Variants in CLDN16 observed in about 807,000 individuals in gnomAD.
CLDN16 encodes claudin-16.
A neutral mutation model predicts 24.6 loss-of-function variants in CLDN16; 13 were observed. The observed-to-expected ratio is 0.53, with a 90% CI of 0.34 to 0.84. The LOEUF (loss-of-function observed/expected upper bound fraction) is 0.84, where lower values mean the gene tolerates loss of function less well. Ranked by LOEUF, CLDN16 falls within the 40% of genes least tolerant of loss-of-function variation. CLDN16 has a pLI of 0.01. For missense variants in CLDN16, 298 were observed against 292.7 expected (o/e 1.02, Z -0.13); for synonymous variants, 116 against 106.7 (o/e 1.09, Z -0.54).
the CLDN16 span, among the ~76,000 whole-genome samples, chr3:190,292,011 G>A: frequency 6.6e-6 from 1 of 152,174 alleles, no homozygotes; most frequent in East Asian, 1.9e-4. Context: ...CACATTGCAA[G>A]CTGTTGGTGG....
At chr3:190,401,056 TG>T (rs1197940951) in intron 1 of CLDN16, among the ~76,000 whole-genome samples, 1 of 152,224 alleles carries the variant, frequency 6.6e-6, no homozygotes, top group Admixed American at 6.5e-5. Context: ...AAATAGTAAC[TG>T]CTTTATGGTA....
intron 3 of CLDN16, among the ~76,000 whole-genome samples, chr3:190,377,131 G>A (rs1194919101): frequency 1.3e-5 from 2 of 151,904 alleles, no homozygotes; most frequent in African/African-American, 4.8e-5. Flanking sequence ...TTTCAGAACC[G>A]CAAGAAAACA....
upstream of CLDN16, among the ~76,000 whole-genome samples, chr3:190,318,036 C>A (rs3774023): frequency 0.065 from 9,900 of 152,282 alleles, 429 homozygotes; most frequent in East Asian, 0.15. Context: ...GAAGTGTACT[C>A]CCCTGGCTTT....
intron 1 of CLDN16, among the ~76,000 whole-genome samples, chr3:190,368,876 G>A (rs1036338467): frequency 4.0e-5 from 6 of 151,860 alleles, no homozygotes; most frequent in African/African-American, 1.4e-4. Flanking sequence ...AGACTTGCTT[G>A]ATTTTGATTT....
chr3:190,350,000 G>T (rs916659366), intron 1 of CLDN16, among the ~76,000 whole-genome samples: 6 of 152,136 alleles, frequency 3.9e-5, no homozygotes, highest in African/African-American at 1.4e-4. Flanking sequence ...ACAGAGAAAT[G>T]ACTGATGTAC....
intron 1 of CLDN16, among the ~76,000 whole-genome samples, chr3:190,359,747 G>A (rs528959015): frequency 4.7e-4 from 72 of 152,078 alleles, no homozygotes; most frequent in African/African-American, 1.7e-3. Flanking sequence ...GGTCTTAGAG[G>A]ATAAATTCCC....
intron 1 of CLDN16, among the ~76,000 whole-genome samples, chr3:190,356,880 C>T (rs1717786125): frequency 6.6e-6 from 1 of 151,680 alleles, no homozygotes; most frequent in African/African-American, 2.4e-5. Context: ...TGTAATATTG[C>T]CTTCAAATTG....
At position 190,400,582 on chromosome 3, in the gene CLDN16, A is replaced by C. The variant is rs576789261; in HGVS notation, c.115-1755A>C. Among the ~76,000 whole-genome samples, 65 of 152,326 alleles carry C rather than the reference A, an allele frequency of 4.3e-4. 1 individual carries two copies. In the South Asian group the frequency reaches 7.5e-3, roughly 17 times the overall value. On this transcript the variant is annotated intron_variant, in intron 1 of 4. Coordinates refer to ENST00000264734, the MANE Select transcript of CLDN16 (RefSeq NM_006580.4). ...TATGAGTAAAAATATGCAATGTTTA[A>C]CTTTCTATTCCTGGCTTATTTCATT...
chr3:190,361,720 T>C (rs1400545184), intron 1 of CLDN16, among the ~76,000 whole-genome samples: 2 of 124,848 alleles, frequency 1.6e-5, no homozygotes, highest in Non-Finnish European at 3.4e-5. Context: ...CAAGAAATCA[T>C]TTTTTTTTTC....
chr3:190,332,529 C>G (rs1168225692), intron 1 of CLDN16, among the ~76,000 whole-genome samples: 1 of 152,078 alleles, frequency 6.6e-6, no homozygotes, highest in Admixed American at 6.6e-5. Flanking sequence ...CACTTACTCA[C>G]CTGTGCAATT....
the CLDN16 span, among the ~76,000 whole-genome samples, chr3:190,302,037 C>A: frequency 6.6e-6 from 1 of 152,202 alleles, no homozygotes; most frequent in Non-Finnish European, 1.5e-5. Flanking sequence ...AAAATACTAT[C>A]TTCCTAGCTT....
At chr3:190,356,150 A>G (rs1381237731) in intron 1 of CLDN16, among the ~76,000 whole-genome samples, 2 of 151,448 alleles carry the variant, frequency 1.3e-5, no homozygotes, top group East Asian at 3.9e-4. Flanking sequence ...AGCATATACA[A>G]TTTTTTTTCA....
intron 1 of CLDN16, among the ~76,000 whole-genome samples, chr3:190,345,048 G>A (rs139310623): frequency 3.0e-4 from 45 of 152,276 alleles, no homozygotes; most frequent in African/African-American, 1.1e-3. Flanking sequence ...ACTGAAATTT[G>A]TAGATTTAAA....
intron 2 of CLDN16, among the ~76,000 whole-genome samples, chr3:190,372,569 A>T (rs1718165476): frequency 6.6e-6 from 1 of 151,828 alleles, no homozygotes; most frequent in Non-Finnish European, 1.5e-5. Flanking sequence ...AATTGAGCCT[A>T]AGAGTTTGAG....
intron 2 of CLDN16, among the ~76,000 whole-genome samples, chr3:190,403,531 G>C (rs1399149850): frequency 2.6e-5 from 4 of 152,098 alleles, no homozygotes; most frequent in African/African-American, 9.7e-5. Flanking sequence ...AGTGGTTTTA[G>C]TCTCTTTCAA....
chr3:190,390,693 G>T (rs758465482), intron 1 of CLDN16, among the ~76,000 whole-genome samples: 1 of 152,140 alleles, frequency 6.6e-6, no homozygotes, highest in East Asian at 1.9e-4. Context: ...CAAATTTGAA[G>T]GTTCTGATGC....
the CLDN16 span, among the ~76,000 whole-genome samples, chr3:190,309,207 C>A: frequency 6.6e-6 from 1 of 152,162 alleles, no homozygotes; most frequent in Non-Finnish European, 1.5e-5. Flanking sequence ...GGATCACATG[C>A]AATAATGTAA....
intron 3 of CLDN16, among the ~76,000 whole-genome samples, chr3:190,379,971 C>CTCTATCTATTTA (rs1553806897): frequency 7.1e-5 from 5 of 70,114 alleles, no homozygotes; most frequent in African/African-American, 2.5e-4. Flanking sequence ...TGTCTATCAA[C>CTCTATCTATTTA]TCTGTCTATC....
At chr3:190,388,032 C>T (rs1456776139), upstream of CLDN16, 25 of 1,268,304 alleles carry the variant, frequency 2.0e-5, no homozygotes, top group Admixed American at 9.5e-5. Context: ...GGTCAGAAAA[C>T]GTTACAGAAC....
Sources: gnomAD v4.1 joint callset for allele counts (sites outside exome capture counted in the v4.1 genomes callset) on GRCh38, gnomAD v4.1.1 for gene constraint, MANE v1.5 for transcripts, NCBI Gene and HGNC (gene_info 2026-07-23, HGNC 2026-07-21) for gene names.